MAPK10: variants seen among roughly 807,000 people sequenced by gnomAD.
MAPK10 encodes JNK3 alpha protein kinase.
MAPK10 carries 25 observed loss-of-function variants against 59.3 expected under a neutral mutation model. The observed-to-expected ratio is 0.42, with a 90% confidence interval of 0.31 to 0.59. The LOEUF (loss-of-function observed/expected upper bound fraction) is 0.59. Among genes scored for constraint, MAPK10 ranks in the 20% least tolerant of loss-of-function variants. The pLI is 0.15. For synonymous variants in MAPK10, 190 were observed against 200.5 expected, an observed-to-expected ratio of 0.95 and a Z score of 0.44; for missense variants, 351 against 568.9, an observed-to-expected ratio of 0.62 and a Z score of 3.90.
intron 3 of MAPK10, among the ~76,000 whole-genome samples, chr4:86,176,845 T>A (rs1446965519): frequency 6.6e-6 from 1 of 152,068 alleles, no homozygotes; most frequent in Non-Finnish European, 1.5e-5. Context: ...ACAAGATATA[T>A]CACATTTTTA....
intron 1 of MAPK10, among the ~76,000 whole-genome samples, chr4:86,429,346 TGGTTAA>T (rs911499794): frequency 6.6e-6 from 1 of 152,198 alleles, no homozygotes; most frequent in African/African-American, 2.4e-5. Flanking sequence ...TACTTAATTT[TGGTTAA>T]GCAATTTGAA....
chr4:86,168,899 G>A (rs562506583), intron 3 of MAPK10, among the ~76,000 whole-genome samples: 19 of 152,084 alleles, frequency 1.2e-4, no homozygotes, highest in Admixed American at 5.9e-4. Flanking sequence ...CAGCATTCGC[G>A]GTTCACAAAA....
chr4:86,414,527 C>G (rs1356319058), intron 1 of MAPK10, among the ~76,000 whole-genome samples: 2 of 152,186 alleles, frequency 1.3e-5, no homozygotes, highest in Non-Finnish European at 2.9e-5. Flanking sequence ...GAAGTAGACA[C>G]ACAGAGTAGT....
chr4:86,567,504 G>A (rs1340802083), intron 1 of MAPK10, among the ~76,000 whole-genome samples: 1 of 152,176 alleles, frequency 6.6e-6, no homozygotes, highest in Admixed American at 6.5e-5. Context: ...ACAGGCGTGA[G>A]CCACCACACC....
At chr4:86,208,980 C>T (rs895907751) in intron 2 of MAPK10, among the ~76,000 whole-genome samples, 5 of 151,966 alleles carry the variant, frequency 3.3e-5, no homozygotes, top group Admixed American at 2.0e-4. Context: ...ACACTAATTG[C>T]TTGTTCCTAT....
intron 1 of MAPK10, among the ~76,000 whole-genome samples, chr4:86,461,650 CAGA>C (rs1332250524): frequency 6.6e-6 from 1 of 152,162 alleles, no homozygotes. Flanking sequence ...AATGAAGTAA[CAGA>C]AGAAGTAACA....
chr4:86,255,534 A>G (rs908505981), intron 2 of MAPK10, among the ~76,000 whole-genome samples: 2 of 152,188 alleles, frequency 1.3e-5, no homozygotes, highest in African/African-American at 4.8e-5. Flanking sequence ...AAGCAGTGCT[A>G]GGCTGGGAAC....
At chr4:86,121,310 T>A (rs773281295) in intron 4 of MAPK10, among the ~76,000 whole-genome samples, 30 of 152,156 alleles carry the variant, frequency 2.0e-4, no homozygotes, top group Middle Eastern at 3.2e-3. Context: ...CACCATCTTG[T>A]TGTGTTCTTA....
intron 2 of MAPK10, among the ~76,000 whole-genome samples, chr4:86,254,891 G>A (rs550058846): frequency 2.0e-5 from 3 of 151,972 alleles, no homozygotes; most frequent in East Asian, 1.9e-4. Flanking sequence ...AAGTATTCTC[G>A]GAAATACCAA....
rs150521676 is a variant in MAPK10 at position 86,404,804 on chromosome 4, T to C, written c.-122+48226A>G. Among the ~76,000 whole-genome samples the C allele has an allele frequency of 9.8e-3, 1,499 of 152,296 alleles. 18 individuals are homozygous for C. Among genetic ancestry groups the C allele is most frequent in the African/African-American group, 0.034 (1,419 of 41,550 alleles). On this transcript the variant is annotated intron_variant, in intron 1 of 13. Coordinates refer to the MAPK10 transcript ENST00000361569. Reference sequence around the variant, plus strand: ...GTCTTGGTTTCGAATTCTATCTTAGTAGACAGTAAGAGTTGTATAGCAGTT... The same window carrying C: ...GTCTTGGTTTCGAATTCTATCTTAGCAGACAGTAAGAGTTGTATAGCAGTT...
intron 3 of MAPK10, among the ~76,000 whole-genome samples, chr4:86,183,145 T>A (rs923233529): frequency 2.0e-5 from 3 of 151,454 alleles, no homozygotes; most frequent in Non-Finnish European, 2.9e-5. Flanking sequence ...GGTTTTTTTT[T>A]ATTATTATTA....
chr4:86,484,754 A>C (rs550545585), intron 1 of MAPK10, among the ~76,000 whole-genome samples: 8 of 151,246 alleles, frequency 5.3e-5, no homozygotes, highest in South Asian at 2.1e-4. Flanking sequence ...TTAAAAAAAA[A>C]CTGAAACTTA....
chr4:86,564,556 T>A (rs1760920384), intron 1 of MAPK10, among the ~76,000 whole-genome samples: 1 of 152,152 alleles, frequency 6.6e-6, no homozygotes. Flanking sequence ...GTAAAACATT[T>A]ATTTGCCTAT....
chr4:86,017,500 T>C lies in MAPK10; in HGVS notation c.1253-130A>G. On this transcript the variant is annotated intron_variant, in intron 13 of 13. Coordinates refer to ENST00000641462, the MANE Select transcript of MAPK10 (RefSeq NM_138982.4). The surrounding 1 kb of genome is among the most constrained non-coding windows in gnomAD (Gnocchi z 4.4). The stretch of plus-strand genomic sequence containing the variant: ...CCATCAATCATTTGGCAAGCCTTTA[T>C]AGAGCAGCTGACATAGGGGAGCATA... 1 of 961,708 alleles carries C rather than the reference T, an allele frequency of 1.0e-6. No homozygotes were observed. The highest frequency in any genetic ancestry group is 1.6e-5 in the African/African-American group (1 of 61,590). 59.6% of individuals were successfully genotyped at this position (961,708 alleles called of 1,614,324 possible). A position where few individuals can be genotyped will look rare whatever the true frequency, so the allele number is the denominator to read the frequency against.
chr4:86,485,869 G>A (rs775002144), intron 1 of MAPK10, among the ~76,000 whole-genome samples: 2 of 152,208 alleles, frequency 1.3e-5, no homozygotes, highest in Non-Finnish European at 2.9e-5. Flanking sequence ...CATAGTGAAA[G>A]GCAGCCATTT....
intron 6 of MAPK10, chr4:86,102,583 C>T (rs942397974): frequency 1.4e-4 from 22 of 153,568 alleles, no homozygotes; most frequent in Admixed American, 1.9e-4. Flanking sequence ...TGCAGTGGTA[C>T]GATCTCAGCT....
At chr4:86,249,049 A>C (rs1676437684) in intron 2 of MAPK10, among the ~76,000 whole-genome samples, 1 of 152,194 alleles carries the variant, frequency 6.6e-6, no homozygotes, top group Admixed American at 6.5e-5. Context: ...AAGGAGAAGA[A>C]ATCTAAATAG....
In MAPK10 at chr4:86,132,393, T is replaced by A. The variant is rs947046545; in HGVS notation, c.237-25041A>T. ...ATGCATATAACCAAATATATTTACC[T>A]TATTGAGGAATAACAGGTCATGTGC... On this transcript the variant is annotated intron_variant, in intron 4 of 13. Coordinates refer to ENST00000641462, the MANE Select transcript of MAPK10 (RefSeq NM_138982.4). Among the ~76,000 whole-genome samples, 4 of 152,220 alleles carry A rather than the reference T, an allele frequency of 2.6e-5. No homozygotes were observed. The East Asian group carries it at 5.8e-4, about 22-fold the overall frequency.
At chr4:86,490,386 G>A (rs913410374) in intron 1 of MAPK10, among the ~76,000 whole-genome samples, 12 of 152,162 alleles carry the variant, frequency 7.9e-5, no homozygotes, top group African/African-American at 2.9e-4. Flanking sequence ...AGGGCATCCT[G>A]GTTGACTCTG....
Sources: gnomAD v4.1 joint callset for allele counts (sites outside exome capture counted in the v4.1 genomes callset) on GRCh38, gnomAD v4.1.1 for gene constraint, Gnocchi (gnomAD v3.1) non-coding constraint, MANE v1.5 for transcripts, NCBI Gene and HGNC (gene_info 2026-07-23, HGNC 2026-07-21) for gene names.